The following RTN1 variants were observed in gnomAD, a reference collection of about 807,000 sequenced individuals.
RTN1 encodes the protein reticulon-1.
A neutral mutation model predicts 65.5 loss-of-function variants in RTN1; 25 were observed. The observed-to-expected ratio is 0.38, with a 90% CI of 0.28 to 0.53. The LOEUF is 0.53. Ranked by LOEUF, RTN1 falls within the 20% of genes least tolerant of loss-of-function variation. The probability of loss-of-function intolerance (pLI) is 0.79; values close to 1 mark genes in which losing one functional copy is unlikely to be tolerated. For missense variants in RTN1, 983 were observed against 1,025.4 expected (o/e 0.96, Z 0.57); for synonymous variants, 471 against 447.6 (o/e 1.05, Z -0.66).
rs145890418 is a variant in RTN1, at chr14:59,627,420, C to T, written c.1766-19928G>A. 1.5e-4 allele frequency among the ~76,000 whole-genome samples: 23 copies of T among 152,328 alleles called. No homozygotes were observed. In the East Asian group the frequency reaches 4.4e-3, roughly 29 times the overall value. ...AAAATGAGGACAATAATAAAACTTA[C>T]ACCACACAGGTTTTGTGGGGACTAA... On this transcript the variant is annotated intron_variant, in intron 3 of 8. Transcript: ENST00000267484.
chr14:59,661,252 T>C (rs1481645933), intron 3 of RTN1, among the ~76,000 whole-genome samples: 10 of 66,290 alleles, frequency 1.5e-4, no homozygotes, highest in African/African-American at 6.2e-4. Context: ...ATTAATAGCC[T>C]ACCAACCAAA....
intron 1 of RTN1, among the ~76,000 whole-genome samples, chr14:59,771,044 C>G (rs1292193892): frequency 8.7e-6 from 1 of 115,200 alleles, no homozygotes; most frequent in Admixed American, 8.8e-5. Flanking sequence ...GACTCCGTCT[C>G]AAAAAAAAAA....
chr14:59,730,160 T>C lies in RTN1; in HGVS notation c.1016-2492A>G, dbSNP rs540059775. Among the ~76,000 whole-genome samples the C allele has an allele frequency of 1.3e-4, 20 of 152,346 alleles. 1 individual carries two copies. In the Middle Eastern group the frequency reaches 0.027, roughly 207 times the overall value. On this transcript the variant is annotated intron_variant, in intron 2 of 8. Coordinates refer to ENST00000267484, the MANE Select transcript of RTN1 (RefSeq NM_021136.3). ...TTGCTAGGACCCTAGATGATATAAC[T>C]ACATGGTTAGAAATTATTTGACCTG...
intron 1 of RTN1, among the ~76,000 whole-genome samples, chr14:59,767,817 T>C (rs776260982): frequency 5.3e-5 from 8 of 152,216 alleles, no homozygotes; most frequent in Non-Finnish European, 8.8e-5. Flanking sequence ...ACCCTTGCTA[T>C]GGGCCAGAGT....
Position 59,833,019 on chromosome 14 carries a change from G to A in RTN1, c.241+37371C>T, listed in dbSNP as rs535204856. ...TATTTATTTATGAATTCCCAGAGGCGATAAATGGTCATTGAATCCATTTCC... is the reference window on the plus strand; with the variant it reads ...TATTTATTTATGAATTCCCAGAGGCAATAAATGGTCATTGAATCCATTTCC... On this transcript the variant is annotated intron_variant, in intron 1 of 8. Transcript: ENST00000267484. Among the ~76,000 whole-genome samples, 24 of 152,256 alleles carry A rather than the reference G, an allele frequency of 1.6e-4. No individual in the cohort carries two copies. The Middle Eastern group carries it at 0.014, about 86-fold the overall frequency.
chr14:59,776,545 T>C (rs11850155), intron 1 of RTN1, among the ~76,000 whole-genome samples: 88,941 of 152,028 alleles, frequency 0.59, 28,528 homozygotes, highest in African/African-American at 0.86. Context: ...TATAGCAACA[T>C]GAAATGGGCT....
chr14:59,694,596 C>T (rs1884025587), intron 3 of RTN1, among the ~76,000 whole-genome samples: 1 of 152,138 alleles, frequency 6.6e-6, no homozygotes, highest in Admixed American at 6.5e-5. Context: ...AATTACAAAA[C>T]TGAGAAAAAT....
rs567400182 is a variant in RTN1 at position 59,723,728 on chromosome 14, C to T, written c.1765+3191G>A. Among the ~76,000 whole-genome samples, 12 of 152,290 alleles carry T rather than the reference C, an allele frequency of 7.9e-5. No individual in the cohort carries two copies. The East Asian group carries it at 2.1e-3, about 27-fold the overall frequency. ...ATGCACAGGGGATCTTGATTCAGTA[C>T]GTCTTGGAAGCAGCCTGAGATTCCC... is the stretch of plus-strand genomic sequence containing the variant. On this transcript the variant is annotated intron_variant, in intron 3 of 8. Transcript: ENST00000267484.
rs539930112 is a variant in RTN1 at position 59,848,737 on chromosome 14, T to G, written c.241+21653A>C. On this transcript the variant is annotated intron_variant, in intron 1 of 8. Coordinates refer to ENST00000267484, the MANE Select transcript of RTN1 (RefSeq NM_021136.3). Reference sequence around the variant, plus strand: ...CCAAAGAAAAAAATACACCACTAAATTATAAAACTCTGGTGCTTATATGCT... The same window carrying G: ...CCAAAGAAAAAAATACACCACTAAAGTATAAAACTCTGGTGCTTATATGCT... 6.4e-4 allele frequency among the ~76,000 whole-genome samples: 97 copies of G among 152,296 alleles called. No individual in the cohort carries two copies. The South Asian group carries it at 7.7e-3, about 12-fold the overall frequency.
intron 2 of RTN1, among the ~76,000 whole-genome samples, chr14:59,741,587 G>A (rs1220832711): frequency 6.6e-6 from 1 of 152,122 alleles, no homozygotes; most frequent in Non-Finnish European, 1.5e-5. Flanking sequence ...ATAAATAGAT[G>A]AAAGAATAAA....
chr14:59,630,323 A>G (rs1882510457), intron 3 of RTN1: 15 of 1,230,938 alleles, frequency 1.2e-5, no homozygotes, highest in South Asian at 1.1e-4. Flanking sequence ...CTACCCCCCA[A>G]CACAAAGCTC....
At chr14:59,656,083 T>A (rs1329945538) in intron 3 of RTN1, among the ~76,000 whole-genome samples, 2 of 152,208 alleles carry the variant, frequency 1.3e-5, no homozygotes, top group African/African-American at 2.4e-5. Flanking sequence ...TTTGAATGAA[T>A]GAACCTTGAA....
intron 1 of RTN1, among the ~76,000 whole-genome samples, chr14:59,779,021 G>C (rs756117877): frequency 5.3e-5 from 8 of 152,146 alleles, no homozygotes; most frequent in Admixed American, 1.3e-4. Context: ...GGTAGACAAG[G>C]AGCAGGGGAG....
intron 8 of RTN1, among the ~76,000 whole-genome samples, chr14:59,598,316 T>C (rs1283401723): frequency 6.6e-6 from 1 of 152,168 alleles, no homozygotes; most frequent in Non-Finnish European, 1.5e-5. Context: ...GTTTTTAGCC[T>C]GAGGAACCAG....
intron 3 of RTN1, among the ~76,000 whole-genome samples, chr14:59,671,888 G>A (rs1281899321): frequency 6.6e-6 from 1 of 152,182 alleles, no homozygotes; most frequent in Non-Finnish European, 1.5e-5. Flanking sequence ...GTCTTGTTTG[G>A]TCTTTGGCTA....
rs186246542 is a variant in RTN1 at position 59,808,681 on chromosome 14, C to T, written c.241+61709G>A. Among the ~76,000 whole-genome samples, 142 of 152,248 alleles carry T rather than the reference C, an allele frequency of 9.3e-4. 2 individuals are homozygous for T. The East Asian group carries it at 0.018, about 19-fold the overall frequency. ...GTAATCCTTAATGTTGGCAGTGGGGCTTGGTGGGAGGTGATTAGATCCTGG... is the reference window on the plus strand; with the variant it reads ...GTAATCCTTAATGTTGGCAGTGGGGTTTGGTGGGAGGTGATTAGATCCTGG... On this transcript the variant is annotated intron_variant, in intron 1 of 8. Transcript: ENST00000267484.
Position 59,829,989 on chromosome 14 carries a change from A to AT in RTN1, c.241+40400dup, listed in dbSNP as rs1433567665. ...TTTTTATTTTAAAAAAATAGCATGTATTTTTGGGTTTAGTCTTGTGTGACT... is the reference window on the plus strand; with the variant it reads ...TTTTTATTTTAAAAAAATAGCATGTATTTTTTGGGTTTAGTCTTGTGTGACT... On this transcript the variant is annotated intron_variant, in intron 1 of 8. Coordinates refer to ENST00000267484, the MANE Select transcript of RTN1 (RefSeq NM_021136.3). This position sits in a 1 kb window ranked among gnomAD's most constrained non-coding sequence, Gnocchi z 4.3. 6.6e-6 allele frequency among the ~76,000 whole-genome samples: 1 copy of AT among 152,158 alleles called. No individual in the cohort carries two copies. Among genetic ancestry groups the AT allele is most frequent in the Non-Finnish European group, 1.5e-5 (1 of 68,024 alleles).
At chr14:59,703,272 A>G (rs1033456399) in intron 3 of RTN1, among the ~76,000 whole-genome samples, 3 of 152,096 alleles carry the variant, frequency 2.0e-5, no homozygotes, top group African/African-American at 7.2e-5. Flanking sequence ...GTGATTCCCA[A>G]TGTTGGAGGT....
At chr14:59,796,113 T>C (rs116079526) in intron 1 of RTN1, among the ~76,000 whole-genome samples, 1,901 of 152,284 alleles carry the variant, frequency 0.012, 36 homozygotes, top group African/African-American at 0.043. Context: ...TCCCATAAGA[T>C]TATAATACCA....
Sources: gnomAD v4.1 joint callset for allele counts (sites outside exome capture counted in the v4.1 genomes callset) on GRCh38, gnomAD v4.1.1 for gene constraint, Gnocchi (gnomAD v3.1) non-coding constraint, MANE v1.5 for transcripts, NCBI Gene and HGNC (gene_info 2026-07-23, HGNC 2026-07-21) for gene names.